Variants in EPDR1 observed in about 807,000 individuals in gnomAD.
EPDR1 encodes the protein ependymin related 1, also known as mammalian ependymin-related protein 1.
A neutral mutation model predicts 23.7 loss-of-function variants in EPDR1; 27 were observed. The observed-to-expected ratio is 1.14, with a 90% confidence interval of 0.84 to 1.57. The LOEUF is 1.57. EPDR1 is among the 40% of genes most tolerant of loss of function. The pLI, the probability that EPDR1 is intolerant of heterozygous loss-of-function variation, is 0.00. For synonymous variants in EPDR1, 137 were observed against 118.2 expected, an observed-to-expected ratio of 1.16 and a Z score of -1.03; for missense variants, 349 against 290.4, an observed-to-expected ratio of 1.20 and a Z score of -1.47.
intron 1 of EPDR1, among the ~76,000 whole-genome samples, chr7:37,929,561 C>A (rs546411448): frequency 2.0e-5 from 3 of 151,902 alleles, no homozygotes; most frequent in Non-Finnish European, 4.4e-5. Context: ...TAGAAGGATA[C>A]CTAAATAATA....
At chr7:37,938,319 A>G (rs966706116) in intron 1 of EPDR1, among the ~76,000 whole-genome samples, 5 of 152,114 alleles carry the variant, frequency 3.3e-5, no homozygotes, top group Non-Finnish European at 7.4e-5. Context: ...ATTAGGAAAC[A>G]AAAAGAAGTC....
At chr7:37,929,408 A>G (rs1379382619) in intron 1 of EPDR1, among the ~76,000 whole-genome samples, 3 of 152,220 alleles carry the variant, frequency 2.0e-5, no homozygotes, top group Non-Finnish European at 4.4e-5. Flanking sequence ...CTTGTCCCAT[A>G]TGAAAAGAGC....
chr7:37,934,748 A>G (rs1786015134), intron 1 of EPDR1, among the ~76,000 whole-genome samples: 2 of 152,102 alleles, frequency 1.3e-5, no homozygotes, highest in African/African-American at 4.8e-5. Flanking sequence ...GTTTGAGACC[A>G]CCCTGGGTAA....
chr7:37,943,407 C>G (rs1786209074), intron 1 of EPDR1, among the ~76,000 whole-genome samples: 1 of 152,204 alleles, frequency 6.6e-6, no homozygotes, highest in Non-Finnish European at 1.5e-5. Flanking sequence ...TCAACCGTGG[C>G]TGATCTTTGC....
In EPDR1 at chr7:37,936,037, T is replaced by TATATAC. The variant is rs1786044197; in HGVS notation, c.270-12800_270-12799insTACATA. On this transcript the variant is annotated intron_variant, in intron 1 of 2. Transcript: ENST00000199448. ...ATATATATATATATATATATATATA[T>TATATAC]ATACACAAGGGAAATGTGAATCTGT... is the stretch of plus-strand genomic sequence containing the variant. Among the ~76,000 whole-genome samples, 2 of 74,718 alleles carry TATATAC rather than the reference T, an allele frequency of 2.7e-5. 1 individual carries two copies. The highest frequency in any genetic ancestry group is 3.2e-4 in the Admixed American group (2 of 6,250). The allele number at this position is 74,718 out of a possible 152,430, so 49.0% of individuals were successfully genotyped here. A position where few individuals can be genotyped will look rare whatever the true frequency, so the allele number is the denominator to read the frequency against.
intron 1 of EPDR1, among the ~76,000 whole-genome samples, chr7:37,927,254 C>T (rs1266085785): frequency 6.6e-6 from 1 of 152,226 alleles, no homozygotes; most frequent in Non-Finnish European, 1.5e-5. Flanking sequence ...TCCCTCCCCA[C>T]ACACACTCAT....
intron 1 of EPDR1, chr7:37,926,836 C>G (rs1364494087): frequency 2.6e-6 from 1 of 390,396 alleles, no homozygotes; most frequent in Non-Finnish European, 5.3e-6. Flanking sequence ...TATTTTAAAA[C>G]CATGTACATA....
At chr7:37,923,245 T>C (rs142560663) in intron 1 of EPDR1, among the ~76,000 whole-genome samples, 399 of 152,204 alleles carry the variant, frequency 2.6e-3, no homozygotes, top group African/African-American at 8.8e-3. Flanking sequence ...ATCTTGGAGA[T>C]TGTCGTAGTG....
At chr7:37,932,606 A>G (rs1458239366) in intron 1 of EPDR1, among the ~76,000 whole-genome samples, 1 of 152,222 alleles carries the variant, frequency 6.6e-6, no homozygotes, top group East Asian at 1.9e-4. Flanking sequence ...ATATTTCAAC[A>G]TGGTGGGAAT....
chr7:37,942,180 G>A (rs918420895), intron 1 of EPDR1, among the ~76,000 whole-genome samples: 1 of 152,102 alleles, frequency 6.6e-6, no homozygotes, highest in African/African-American at 2.4e-5. Context: ...GTTTATAGCA[G>A]CATTTTTCAC....
At chr7:37,923,339 A>G (rs1017575458) in intron 1 of EPDR1, among the ~76,000 whole-genome samples, 2 of 152,292 alleles carry the variant, frequency 1.3e-5, no homozygotes, top group Admixed American at 1.3e-4. Context: ...AAGAGGTTCA[A>G]CTGAGGAAAA....
Position 37,950,121 on chromosome 7 carries a change from AC to A in EPDR1, c.479-78del, listed in dbSNP as rs1443653661. The stretch of plus-strand genomic sequence containing the variant: ...TAAAATGGTAAATTTTATGTTATGT[AC>A]ATTTTACCACCATAAGAAAAAATAT... On this transcript the variant is annotated intron_variant, in intron 2 of 2. Coordinates refer to ENST00000199448, the MANE Select transcript of EPDR1 (RefSeq NM_017549.5). 3 of 1,064,064 alleles carry A rather than the reference AC, an allele frequency of 2.8e-6. No homozygotes were observed. In the East Asian group the frequency reaches 7.4e-5, roughly 26 times the overall value. 65.9% of individuals were successfully genotyped at this position (1,064,064 alleles called of 1,614,324 possible).
intron 1 of EPDR1, chr7:37,921,509 T>C (rs1029701413): frequency 7.6e-7 from 1 of 1,318,202 alleles, no homozygotes; most frequent in Non-Finnish European, 9.6e-7. Context: ...ATGCCCAGGT[T>C]CGCCCCTGTT....
At position 37,921,115 on chromosome 7, in the gene EPDR1, G is replaced by T; in HGVS notation, c.176G>T (p.Ser59Ile). 6.3e-7 allele frequency: 1 copy of T among 1,594,484 alleles called. No individual in the cohort carries two copies. ...CGCCAGGTTATGTACCAGCAAAGTAGCGGGCGCAACAGCCGCGCCCTGCTC... is the reference window on the plus strand; with the variant it reads ...CGCCAGGTTATGTACCAGCAAAGTATCGGGCGCAACAGCCGCGCCCTGCTC... The part of the protein sequence containing the change: ...EGRQVMYQQS[S>I]GRNSRALLSY... The change falls in exon 1 of 3, where the codon AGC becomes ATC. Residue 59 changes from serine to isoleucine, a missense_variant. Physicochemically the swap from Ser to Ile is moderately radical, Grantham distance 142. Transcript: ENST00000199448.
intron 1 of EPDR1, among the ~76,000 whole-genome samples, chr7:37,922,399 G>A (rs556062203): frequency 1.3e-5 from 2 of 152,250 alleles, no homozygotes; most frequent in East Asian, 1.9e-4. Context: ...TGGTGGACTG[G>A]GAATTGATTC....
intron 1 of EPDR1, among the ~76,000 whole-genome samples, chr7:37,924,356 T>C (rs1368242844): frequency 6.6e-6 from 1 of 152,220 alleles, no homozygotes; most frequent in Non-Finnish European, 1.5e-5. Flanking sequence ...AAGTGATGCA[T>C]TGATTTTCAC....
chr7:37,947,094 C>A (rs1346293850), intron 1 of EPDR1, among the ~76,000 whole-genome samples: 3 of 152,084 alleles, frequency 2.0e-5, no homozygotes, highest in African/African-American at 7.2e-5. Flanking sequence ...TGTCACCACT[C>A]ACTCACTCAC....
intron 1 of EPDR1, among the ~76,000 whole-genome samples, chr7:37,945,551 T>A (rs1253535520): frequency 6.6e-6 from 1 of 152,156 alleles, no homozygotes; most frequent in Non-Finnish European, 1.5e-5. Flanking sequence ...TCCCATGAGA[T>A]TACAATGGAG....
intron 1 of EPDR1, among the ~76,000 whole-genome samples, chr7:37,924,014 A>C (rs1562829): frequency 0.78 from 117,912 of 152,122 alleles, 46,011 homozygotes; most frequent in Non-Finnish European, 0.83. Context: ...GAAACTTGAT[A>C]CAGCAGCACA....
Sources: allele counts gnomAD v4.1 joint callset (sites outside exome capture counted in the v4.1 genomes callset), GRCh38; gene constraint gnomAD v4.1.1; transcripts MANE v1.5; gene names NCBI Gene and HGNC (gene_info 2026-07-23, HGNC 2026-07-21).